Variants in HRH1 observed in about 807,000 individuals in gnomAD.
The protein encoded by HRH1 is histamine H1 receptor.
HRH1 carries 6 observed loss-of-function variants against 10.3 expected under a neutral mutation model. The observed-to-expected ratio is 0.58, with a 90% CI of 0.32 to 1.15. The LOEUF is 1.15. Ranked by LOEUF, HRH1 falls within the 50% of genes most tolerant of loss-of-function variation. The probability of loss-of-function intolerance (pLI) is 0.05; values close to 1 mark genes in which losing one functional copy is unlikely to be tolerated. For synonymous variants in HRH1, 242 were observed against 236.7 expected (o/e 1.02, Z -0.21); for missense variants, 514 against 615.3 (o/e 0.84, Z 1.74).
At chr3:11,202,438 T>TAATTAAATAAA (rs58125465) in intron 1 of HRH1, among the ~76,000 whole-genome samples, 6 of 133,554 alleles carry the variant, frequency 4.5e-5, no homozygotes, top group African/African-American at 1.4e-4. Context: ...AAATAAATAA[T>TAATTAAATAAA]TAATTAAAAA....
At chr3:11,243,937 C>T (rs1939413409) in intron 1 of HRH1, among the ~76,000 whole-genome samples, 2 of 152,232 alleles carry the variant, frequency 1.3e-5, no homozygotes, top group African/African-American at 4.8e-5. Flanking sequence ...TATTTCTTCG[C>T]ATGCTAATTT....
chr3:11,248,457 C>T (rs1232223859), intron 1 of HRH1, among the ~76,000 whole-genome samples: 1 of 152,140 alleles, frequency 6.6e-6, no homozygotes, highest in African/African-American at 2.4e-5. Context: ...TCTCTTTTTA[C>T]AATATTCTGT....
chr3:11,251,464 A>C (rs958511236), intron 1 of HRH1, among the ~76,000 whole-genome samples: 3 of 152,210 alleles, frequency 2.0e-5, no homozygotes, highest in Non-Finnish European at 2.9e-5. Context: ...TAGTGTAAAC[A>C]ACTCACATGT....
chr3:11,192,713 T>C (rs1397053865), intron 1 of HRH1, among the ~76,000 whole-genome samples: 1 of 152,222 alleles, frequency 6.6e-6, no homozygotes. Flanking sequence ...AGACCCTGTC[T>C]CTAAAATAAA....
At chr3:11,154,270 C>T (rs865901894), upstream of HRH1, among the ~76,000 whole-genome samples, 12 of 152,142 alleles carry the variant, frequency 7.9e-5, 1 homozygote, top group Middle Eastern at 0.01. The surrounding 1 kb of genome is among the most constrained non-coding windows in gnomAD (Gnocchi z 4.4). Context: ...AAACCTGGGG[C>T]GCGAGCTGGG....
chr3:11,144,497 G>A (rs1396013283), intron 1 of HRH1, among the ~76,000 whole-genome samples: 2 of 1,414 alleles, frequency 1.4e-3, no homozygotes, highest in Admixed American at 6.2e-3. Context: ...ACACACACAC[G>A]CCACACACAT....
At chr3:11,208,999 C>T (rs891080936) in intron 1 of HRH1, among the ~76,000 whole-genome samples, 2 of 152,220 alleles carry the variant, frequency 1.3e-5, no homozygotes, top group African/African-American at 2.4e-5. Flanking sequence ...CAGTTTCCTT[C>T]ACCCTCAACT....
chr3:11,189,070 T>TC (rs1198392501), intron 1 of HRH1, among the ~76,000 whole-genome samples: 1 of 152,224 alleles, frequency 6.6e-6, no homozygotes, highest in Non-Finnish European at 1.5e-5. Context: ...AGTTATCTCT[T>TC]CTGACCTTCC....
intron 1 of HRH1, among the ~76,000 whole-genome samples, chr3:11,144,692 C>A (rs1936392246): frequency 6.6e-6 from 1 of 151,704 alleles, no homozygotes; most frequent in Admixed American, 6.6e-5. Context: ...AAACACAGTT[C>A]TGACTAAAGC....
intron 1 of HRH1, among the ~76,000 whole-genome samples, chr3:11,161,461 A>C (rs995809448): frequency 2.9e-4 from 44 of 152,180 alleles, no homozygotes; most frequent in African/African-American, 1.0e-3. Context: ...TTCCACCACC[A>C]GCCCACACCT....
At chr3:11,233,402 A>G (rs768632708) in intron 1 of HRH1, among the ~76,000 whole-genome samples, 13 of 152,138 alleles carry the variant, frequency 8.5e-5, no homozygotes, top group South Asian at 4.1e-4. Flanking sequence ...GAGTCCATCA[A>G]TTGGGTTCTT....
chr3:11,252,364 G>T (rs2152586861), intron 1 of HRH1, among the ~76,000 whole-genome samples: 1 of 152,296 alleles, frequency 6.6e-6, no homozygotes, highest in African/African-American at 2.4e-5. Context: ...TGAGAAAGCT[G>T]CTACTTCTTT....
intron 1 of HRH1, among the ~76,000 whole-genome samples, chr3:11,253,639 T>A (rs1939708279): frequency 6.6e-6 from 1 of 152,292 alleles, no homozygotes; most frequent in African/African-American, 2.4e-5. Flanking sequence ...TATTACCATC[T>A]CCCTAAGGTC....
intron 1 of HRH1, among the ~76,000 whole-genome samples, chr3:11,235,649 C>T (rs1223075527): frequency 6.6e-6 from 1 of 152,190 alleles, no homozygotes; most frequent in African/African-American, 2.4e-5. Context: ...AGTCCCGGCT[C>T]CCTGCTAGGA....
At chr3:11,143,859 A>C (rs1936347544) in intron 1 of HRH1, among the ~76,000 whole-genome samples, 1 of 152,174 alleles carries the variant, frequency 6.6e-6, no homozygotes, top group African/African-American at 2.4e-5. Flanking sequence ...GATCTTTTTT[A>C]GGTATCTTCA....
chr3:11,195,600 C>G (rs1303242253), intron 1 of HRH1, among the ~76,000 whole-genome samples: 1 of 152,240 alleles, frequency 6.6e-6, no homozygotes, highest in Non-Finnish European at 1.5e-5. Flanking sequence ...AATGAGCTAT[C>G]TGGATAATCT....
intron 1 of HRH1, among the ~76,000 whole-genome samples, chr3:11,144,755 C>T (rs1459423964): frequency 1.3e-5 from 2 of 151,946 alleles, no homozygotes; most frequent in Non-Finnish European, 2.9e-5. Flanking sequence ...CCAACCACGA[C>T]AACACTTATA....
chr3:11,254,282 C>A (rs1334867597), intron 1 of HRH1, among the ~76,000 whole-genome samples: 1 of 152,176 alleles, frequency 6.6e-6, no homozygotes, highest in Non-Finnish European at 1.5e-5. Flanking sequence ...CTTTATCCTT[C>A]TCCATATGCT....
At chr3:11,181,528 T>A (rs1000073605) in intron 1 of HRH1, among the ~76,000 whole-genome samples, 1 of 152,164 alleles carries the variant, frequency 6.6e-6, no homozygotes, top group Non-Finnish European at 1.5e-5. Context: ...ATTGTGGTTT[T>A]GATTTGCATT....
Sources: gnomAD v4.1 joint callset for allele counts (sites outside exome capture counted in the v4.1 genomes callset) on GRCh38, gnomAD v4.1.1 for gene constraint, Gnocchi (gnomAD v3.1) non-coding constraint, MANE v1.5 for transcripts, NCBI Gene and HGNC (gene_info 2026-07-23, HGNC 2026-07-21) for gene names.